PTAFR: variants seen among roughly 807,000 people sequenced by gnomAD.
PTAFR encodes the protein platelet-activating factor receptor.
Under a neutral mutation model 14.7 loss-of-function variants are expected in PTAFR, and 8 were observed. That is an observed-to-expected ratio of 0.54 (90% CI 0.32 to 0.98). PTAFR has a LOEUF of 0.98. Ranked by LOEUF, PTAFR falls within the 50% of genes least tolerant of loss-of-function variation. The pLI, the probability that PTAFR is intolerant of heterozygous loss-of-function variation, is 0.04. For missense variants in PTAFR, 337 were observed against 451.2 expected (o/e 0.75, Z 2.29); for synonymous variants, 156 against 176.5 (o/e 0.88, Z 0.92).
At chr1:28,156,975 C>T (rs1349948179) in intron 1 of PTAFR, among the ~76,000 whole-genome samples, 1 of 152,174 alleles carries the variant, frequency 6.6e-6, no homozygotes, top group African/African-American at 2.4e-5. Context: ...CCTTGCCCAT[C>T]ACAAAATGCC....
At chr1:28,153,168 G>A (rs1646214859) in intron 1 of PTAFR, among the ~76,000 whole-genome samples, 1 of 152,136 alleles carries the variant, frequency 6.6e-6, no homozygotes, top group African/African-American at 2.4e-5. Flanking sequence ...AGGCATAGTG[G>A]TGCACGCCTG....
chr1:28,167,950 CTTTTTTT>C (rs33965504), intron 1 of PTAFR, among the ~76,000 whole-genome samples: 1 of 38,150 alleles, frequency 2.6e-5, no homozygotes, highest in Non-Finnish European at 4.3e-5. Flanking sequence ...AAAACCAGAT[CTTTTTTT>C]TTTTTTTTTT....
chr1:28,153,428 CAT>C (rs1646219484), intron 1 of PTAFR, among the ~76,000 whole-genome samples: 1 of 151,774 alleles, frequency 6.6e-6, no homozygotes, highest in South Asian at 2.1e-4. Flanking sequence ...AGGTCCAGCT[CAT>C]AATATCTAAT....
At chr1:28,187,389 ATC>A (rs1313166084) in intron 1 of PTAFR, among the ~76,000 whole-genome samples, 1 of 152,242 alleles carries the variant, frequency 6.6e-6, no homozygotes, top group Non-Finnish European at 1.5e-5. Flanking sequence ...ATAAAATTAG[ATC>A]TCTCACTTCA....
At chr1:28,153,488 G>A (rs1462652856) in intron 1 of PTAFR, among the ~76,000 whole-genome samples, 5 of 148,928 alleles carry the variant, frequency 3.4e-5, no homozygotes, top group African/African-American at 4.9e-5. Flanking sequence ...GCTCACGCCT[G>A]TAATCCCAAC....
chr1:28,188,221 A>G (rs1318193568), intron 1 of PTAFR, among the ~76,000 whole-genome samples: 1 of 152,200 alleles, frequency 6.6e-6, no homozygotes, highest in Non-Finnish European at 1.5e-5. Flanking sequence ...TGAAGCTGGC[A>G]GATCGCTTGA....
intron 1 of PTAFR, among the ~76,000 whole-genome samples, chr1:28,154,831 A>AAAT (rs1553164371): frequency 5.6e-5 from 3 of 53,564 alleles, no homozygotes; most frequent in African/African-American, 7.6e-5. Flanking sequence ...AAAAAAAAAA[A>AAAT]GTGGGGGGGG....
Position 28,150,401 on chromosome 1 carries a change from C to A in PTAFR, c.621G>T (p.Leu207=). Residue 207 remains leucine, a synonymous_variant, in exon 2 of 2, where the codon CTG becomes CTT. Transcript: ENST00000373857. This position sits in a 1 kb window ranked among gnomAD's most constrained non-coding sequence, Gnocchi z 6.3. ...LVFLIILFCN[L]VIIRTLLMQP... is the part of the protein sequence containing the mutation. The stretch of plus-strand genomic sequence containing the variant: ...GCATGAGCAAGGTACGGATGATGAC[C>A]AGGTTGCAGAAGAGGATGATGAGGA... 6.2e-7 allele frequency: 1 copy of A among 1,613,880 alleles called. No individual in the cohort carries two copies. The highest frequency in any genetic ancestry group is 8.5e-7 in the Non-Finnish European group (1 of 1,179,862).
chr1:28,186,151 G>C (rs1646604428), intron 1 of PTAFR, among the ~76,000 whole-genome samples: 1 of 151,766 alleles, frequency 6.6e-6, no homozygotes, highest in African/African-American at 2.4e-5. Context: ...TAATTTTTTT[G>C]TTTTGTTTTG....
chr1:28,172,256 T>C (rs1646461341), intron 1 of PTAFR, among the ~76,000 whole-genome samples: 1 of 152,134 alleles, frequency 6.6e-6, no homozygotes, highest in African/African-American at 2.4e-5. Flanking sequence ...TCTCAGGTGA[T>C]CCACCCACCT....
chr1:28,153,337 T>C lies in PTAFR; in HGVS notation c.-38-2278A>G, dbSNP rs540802904. 4.6e-5 allele frequency among the ~76,000 whole-genome samples: 7 copies of C among 152,222 alleles called. No homozygotes were observed. In the East Asian group the frequency reaches 1.2e-3, roughly 25 times the overall value. ...CAAGCTCCTAGGAGCTGCCCTGTTA[T>C]TTACATTGCAGTGGGCATGACTCAG... On this transcript the variant is annotated intron_variant, in intron 1 of 1. Transcript: ENST00000373857.
chr1:28,176,200 T>C (rs1289043952), intron 1 of PTAFR, among the ~76,000 whole-genome samples: 1 of 152,128 alleles, frequency 6.6e-6, no homozygotes, highest in Non-Finnish European at 1.5e-5. Flanking sequence ...CCCAGCACTT[T>C]GGGAGGCCGA....
At chr1:28,178,095 G>A (rs980153989), upstream of PTAFR, among the ~76,000 whole-genome samples, 1 of 152,108 alleles carries the variant, frequency 6.6e-6, no homozygotes, top group Non-Finnish European at 1.5e-5. Context: ...CTGAGGTCCC[G>A]ACAGGACCAG....
chr1:28,188,049 C>A (rs985993110), intron 1 of PTAFR, among the ~76,000 whole-genome samples: 1 of 151,732 alleles, frequency 6.6e-6, no homozygotes, highest in South Asian at 2.1e-4. Context: ...CAGTGGCTCA[C>A]ACCTGTAACC....
In PTAFR at chr1:28,148,119, C is replaced by T. The variant is rs1646136608; in HGVS notation, c.*1874G>A. ...AAGACTTCTCTGAAGGAGCACAGAG[C>T]TCTAGAAACCAGAGAAGTTTCCTCT... is the stretch of plus-strand genomic sequence containing the variant. On this transcript the variant is annotated 3_prime_UTR_variant, in exon 2 of 2. Transcript: ENST00000373857. 6.6e-6 allele frequency: 1 copy of T among 152,336 alleles called. No homozygotes were observed. The highest frequency in any genetic ancestry group is 2.4e-5 in the African/African-American group (1 of 41,580). The allele number at this position is 152,336 out of a possible 1,614,324, so 9.4% of individuals were successfully genotyped here.
rs538258976 is a variant in PTAFR at position 28,162,254 on chromosome 1, TG to T, written c.-38-11196del. 3.1e-4 allele frequency among the ~76,000 whole-genome samples: 47 copies of T among 152,282 alleles called. 1 individual carries two copies. In the South Asian group the frequency reaches 9.5e-3, roughly 31 times the overall value. ...TTGGAGGTCAGAGATGGTGGTGGCA[TG>T]GACCAGAAAGTGGCATTTTCAATTC... On this transcript the variant is annotated intron_variant, in intron 1 of 1. Coordinates refer to ENST00000373857, the MANE Select transcript of PTAFR (RefSeq NM_000952.5).
chr1:28,164,066 C>T (rs1287310777), intron 1 of PTAFR, among the ~76,000 whole-genome samples: 1 of 152,110 alleles, frequency 6.6e-6, no homozygotes, highest in Non-Finnish European at 1.5e-5. Context: ...GGCCCTCATC[C>T]CTGCTGGAAA....
Position 28,150,756 on chromosome 1 carries a change from A to G in PTAFR, c.266T>C (p.Leu89Pro). 2 of 1,614,200 alleles carry G rather than the reference A, an allele frequency of 1.2e-6. No homozygotes were observed. The highest frequency in any genetic ancestry group is 2.2e-5 in the East Asian group (1 of 44,884). The part of the protein sequence containing the change: ...NQGNWILPKF[L>P]CNVAGCLFFI... ...GAAAAGGCAGCCAGCCACGTTGCAC[A>G]GGAATTTGGGGAGTATCCAGTTGCC... The change falls in exon 2 of 2, where the codon CTG (leucine) becomes CCG (proline). Residue 89 changes from leucine to proline, a missense_variant. Transcript: ENST00000373857. This position sits in a 1 kb window ranked among gnomAD's most constrained non-coding sequence, Gnocchi z 6.3.
At chr1:28,164,339 C>T (rs1646358516) in intron 1 of PTAFR, among the ~76,000 whole-genome samples, 1 of 152,218 alleles carries the variant, frequency 6.6e-6, no homozygotes, top group Non-Finnish European at 1.5e-5. Flanking sequence ...CCTGCACCAG[C>T]AGTTCCTTGC....
Sources: gnomAD v4.1 joint callset for allele counts (sites outside exome capture counted in the v4.1 genomes callset) on GRCh38, gnomAD v4.1.1 for gene constraint, Gnocchi (gnomAD v3.1) non-coding constraint, MANE v1.5 for transcripts, NCBI Gene and HGNC (gene_info 2026-07-23, HGNC 2026-07-21) for gene names.